LATS1: variants seen among roughly 807,000 people sequenced by gnomAD.
The protein encoded by LATS1 is serine/threonine-protein kinase LATS1.
LATS1 carries 25 observed loss-of-function variants against 106.6 expected under a neutral mutation model. The ratio of observed to expected loss-of-function variants is 0.23; its 90% CI spans 0.17 to 0.33. LATS1 has a LOEUF of 0.33. Ranked by LOEUF, LATS1 falls within the 10% of genes least tolerant of loss-of-function variation. LATS1 has a pLI of 1.00. For missense variants in LATS1, 1,040 were observed against 1,382.6 expected (o/e 0.75, Z 3.93); for synonymous variants, 465 against 455.6 (o/e 1.02, Z -0.26).
At position 149,673,364 on chromosome 6, in the gene LATS1, G is replaced by A. The variant is rs990900365; in HGVS notation, c.2883+2896C>T. Among the ~76,000 whole-genome samples the A allele has an allele frequency of 4.6e-5, 7 of 151,844 alleles. No homozygotes were observed. The East Asian group carries it at 1.4e-3, about 29-fold the overall frequency. On this transcript the variant is annotated intron_variant, in intron 7 of 7. Coordinates refer to ENST00000543571, the MANE Select transcript of LATS1 (RefSeq NM_004690.4). ...TCCACCCGCCTTGGCTTACCAAAGT[G>A]CTAGGATTACAGGCATGAGCTACCG...
intron 7 of LATS1, among the ~76,000 whole-genome samples, chr6:149,669,132 T>C (rs148943719): frequency 7.3e-5 from 11 of 150,556 alleles, no homozygotes; most frequent in Admixed American, 3.3e-4. Context: ...TGGATAAGGA[T>C]TGATTGATTG....
chr6:149,713,762 C>A (rs933977021), intron 1 of LATS1, among the ~76,000 whole-genome samples: 4 of 151,982 alleles, frequency 2.6e-5, no homozygotes, highest in Admixed American at 6.6e-5. Flanking sequence ...CGGGTTCAAG[C>A]AATTCTCCTG....
chr6:149,668,577 AG>A (rs1255138669), intron 7 of LATS1, among the ~76,000 whole-genome samples: 1 of 151,018 alleles, frequency 6.6e-6, no homozygotes, highest in Non-Finnish European at 1.5e-5. Context: ...CTGGGACCAC[AG>A]GCATGTGCCA....
At chr6:149,669,817 C>A in intron 7 of LATS1, among the ~76,000 whole-genome samples, 1 of 151,768 alleles carries the variant, frequency 6.6e-6, no homozygotes, top group East Asian at 1.9e-4. Flanking sequence ...ATAAAGGGAC[C>A]TATATGGCAG....
At chr6:149,713,963 CT>C (rs1269080782) in intron 1 of LATS1, among the ~76,000 whole-genome samples, 2 of 150,888 alleles carry the variant, frequency 1.3e-5, no homozygotes, top group Non-Finnish European at 3.0e-5. Context: ...CGCACGGCCT[CT>C]TTTTTTCTTT....
At chr6:149,689,312 A>T (rs1358736272) in intron 3 of LATS1, among the ~76,000 whole-genome samples, 1 of 152,026 alleles carries the variant, frequency 6.6e-6, no homozygotes, top group African/African-American at 2.4e-5. Context: ...GGCCATGGAC[A>T]AGGAATTTGG....
At position 149,660,286 on chromosome 6, in the gene LATS1, A is replaced by T. The variant is rs1237510374; in HGVS notation, c.*1443T>A. On this transcript the variant is annotated 3_prime_UTR_variant, in exon 8 of 8. Coordinates refer to ENST00000543571, the MANE Select transcript of LATS1 (RefSeq NM_004690.4). Reference sequence around the variant, plus strand: ...AGCTCTGAAAGGACCACCTGTAGAAAGGTGGGAAGTGTGGGCTAATAAGTG... The same window carrying T: ...AGCTCTGAAAGGACCACCTGTAGAATGGTGGGAAGTGTGGGCTAATAAGTG... The T allele has an allele frequency of 1.7e-5, 4 of 233,040 alleles. No homozygotes were observed. Among genetic ancestry groups the T allele is most frequent in the African/African-American group, 8.8e-5 (4 of 45,344 alleles). 14.4% of individuals were successfully genotyped at this position (233,040 alleles called of 1,614,324 possible). A position where few individuals can be genotyped will look rare whatever the true frequency, so the allele number is the denominator to read the frequency against.
intron 2 of LATS1, among the ~76,000 whole-genome samples, chr6:149,699,985 G>A (rs1327630663): frequency 1.3e-5 from 2 of 152,176 alleles, no homozygotes; most frequent in Non-Finnish European, 2.9e-5. Flanking sequence ...TAGGAAGAAA[G>A]TGCTTGGGAC....
intron 2 of LATS1, among the ~76,000 whole-genome samples, chr6:149,699,329 T>C (rs995553297): frequency 2.0e-5 from 3 of 151,938 alleles, no homozygotes; most frequent in Non-Finnish European, 4.4e-5. Flanking sequence ...GAGGTGCACC[T>C]CTGCCCAGCC....
chr6:149,681,312 T>C (rs1782023738), intron 4 of LATS1, among the ~76,000 whole-genome samples: 1 of 152,198 alleles, frequency 6.6e-6, no homozygotes, highest in Non-Finnish European at 1.5e-5. Context: ...GAAATCCAGT[T>C]GGAAAAGTGG....
At chr6:149,673,073 ACTT>A (rs1255846342) in intron 7 of LATS1, among the ~76,000 whole-genome samples, 66 of 147,634 alleles carry the variant, frequency 4.5e-4, no homozygotes, top group Non-Finnish European at 6.6e-4. Flanking sequence ...TTTATTTTTT[ACTT>A]CTTCCTTTTC....
chr6:149,710,329 C>T (rs902548130), intron 1 of LATS1, among the ~76,000 whole-genome samples: 4 of 152,118 alleles, frequency 2.6e-5, no homozygotes, highest in African/African-American at 9.7e-5. Flanking sequence ...ACACTGGAAG[C>T]GGGGTATCCT....
At chr6:149,704,624 G>A (rs771182742) in intron 1 of LATS1, among the ~76,000 whole-genome samples, 11 of 151,416 alleles carry the variant, frequency 7.3e-5, no homozygotes, top group Non-Finnish European at 1.5e-4. Context: ...TGGGAATGCA[G>A]GAACATGCCA....
At chr6:149,693,394 G>A (rs192189666) in intron 3 of LATS1, among the ~76,000 whole-genome samples, 5 of 150,034 alleles carry the variant, frequency 3.3e-5, no homozygotes, top group African/African-American at 7.3e-5. Flanking sequence ...GGCAGATCAC[G>A]AGGTCAGGAG....
Position 149,680,413 on chromosome 6 carries a change from A to C in LATS1, c.2055T>G (p.Leu685=). The C allele has an allele frequency of 2.5e-6, 4 of 1,613,438 alleles. No individual in the cohort carries two copies. The highest frequency in any genetic ancestry group is 3.4e-6 in the Non-Finnish European group (4 of 1,179,746). ...GGATGTAATTAGATTCTTTTTGGCA[A>C]AGCATCTTTCTCATTTGATCCTGGG... ...QDAQDQMRKM[L]CQKESNYIRL... The change falls in exon 5 of 8, where the codon CTT becomes CTG. Residue 685 remains leucine (L), a synonymous_variant. Coordinates refer to ENST00000543571, the MANE Select transcript of LATS1 (RefSeq NM_004690.4).
chr6:149,670,924 G>C (rs1319849812), intron 7 of LATS1, among the ~76,000 whole-genome samples: 2 of 151,692 alleles, frequency 1.3e-5, no homozygotes, highest in Non-Finnish European at 2.9e-5. Context: ...AAAGTTCTTA[G>C]TTTTGATGAA....
At position 149,702,044 on chromosome 6, in the gene LATS1, C is replaced by G; in HGVS notation, c.83G>C (p.Arg28Pro). 2 of 1,614,030 alleles carry G rather than the reference C, an allele frequency of 1.2e-6. No homozygotes were observed. Among genetic ancestry groups the G allele is most frequent in the Non-Finnish European group, 1.7e-6 (2 of 1,179,996 alleles). The stretch of plus-strand genomic sequence containing the variant: ...TTCCCGAATTTCTTGTAACATTTGC[C>G]GGCTACTGACAGTATAGTTACTGGC... Reference protein sequence around the residue: ...FPASNYTVSSRQMLQEIRESL... With the variant: ...FPASNYTVSSPQMLQEIRESL... The change falls in exon 2 of 8, where the codon CGG becomes CCG. Residue 28 changes from arginine (R) to proline (P), a missense_variant. Physicochemically the swap from Arg to Pro is moderately radical, Grantham distance 103. This residue lies in a region of LATS1 where 624 missense variants were observed against 714.8 expected (regional missense o/e 0.87). Transcript: ENST00000543571.
At chr6:149,715,085 A>C (rs1029865598) in intron 1 of LATS1, among the ~76,000 whole-genome samples, 7 of 151,550 alleles carry the variant, frequency 4.6e-5, no homozygotes, top group African/African-American at 1.7e-4. Flanking sequence ...TTCTTTATTT[A>C]TTTTTGAGAC....
rs182254036 is a variant in LATS1 at position 149,683,503 on chromosome 6, G to A, written c.1586C>T (p.Pro529Leu). The change falls in exon 4 of 8, where the codon CCC becomes CTC. Residue 529 changes from proline to leucine, a missense_variant. Transcript: ENST00000543571. Reference sequence around the variant, plus strand: ...AGCGGTTCCCTCAGGAAAAGGACTGGGTTGAACAGTTTGAATTGGCTGTGG... The same window carrying A: ...AGCGGTTCCCTCAGGAAAAGGACTGAGTTGAACAGTTTGAATTGGCTGTGG... ...WIPQPIQTVQ[P>L]SPFPEGTASN... The A allele has an allele frequency of 6.2e-7, 1 of 1,614,204 alleles. No homozygotes were observed. The highest frequency in any genetic ancestry group is 8.5e-7 in the Non-Finnish European group (1 of 1,180,040).
Sources: allele counts gnomAD v4.1 joint callset (sites outside exome capture counted in the v4.1 genomes callset), GRCh38; gene constraint gnomAD v4.1.1; regional missense constraint gnomAD v4.1.1; transcripts MANE v1.5; gene names NCBI Gene and HGNC (gene_info 2026-07-23, HGNC 2026-07-21).